The following SAMD11 variants were observed in gnomAD, a reference collection of about 807,000 sequenced individuals.
SAMD11 encodes sterile alpha motif domain containing 11.
In SAMD11, 77 loss-of-function variants were observed where a neutral mutation model predicts 64.4. The ratio of observed to expected loss-of-function variants is 1.20; its 90% CI spans 0.99 to 1.44. SAMD11 has a LOEUF of 1.44. Ranked by LOEUF, SAMD11 falls within the 40% of genes most tolerant of loss-of-function variation. SAMD11 has a pLI of 0.00. For missense variants in SAMD11, 1,402 were observed against 943.3 expected (o/e 1.49, Z -6.37); for synonymous variants, 658 against 421.9 (o/e 1.56, Z -6.86).
chr1:924,554 C>T lies in SAMD11; in HGVS notation c.123C>T (p.Pro41=), dbSNP rs1640792623. ...PPLPGYLAPL[P]AAAALPPAAS... is the part of the protein sequence containing the mutation. ...TGCCAGGCTACCTGGCGCCACTGCC[C>T]GCGGCGGCCGCCCTCCCCCCGGCCG... The change falls in exon 1 of 14, where the codon CCC becomes CCT. Residue 41 remains proline, a synonymous_variant. Transcript: ENST00000616016. 1 of 150,792 alleles carries T rather than the reference C, an allele frequency of 6.6e-6. No individual in the cohort carries two copies. The highest frequency in any genetic ancestry group is 1.5e-5 in the Non-Finnish European group (1 of 67,440). The allele number at this position is 150,792 out of a possible 1,614,324, so 9.3% of individuals were successfully genotyped here. A position where few individuals can be genotyped will look rare whatever the true frequency, so the allele number is the denominator to read the frequency against.
chr1:932,024 G>A lies in SAMD11; in HGVS notation c.842+935G>A, dbSNP rs76326394. Among the ~76,000 whole-genome samples the A allele has an allele frequency of 2.6e-4, 39 of 152,368 alleles. No homozygotes were observed. In the East Asian group the frequency reaches 6.7e-3, roughly 26 times the overall value. ...AGCCGTGAAGGCCCAGGGGACCTGC[G>A]TGTCTTGGCTCCACGCCAGATGTGT... On this transcript the variant is annotated intron_variant, in intron 4 of 13. Transcript: ENST00000616016.
At chr1:941,064 CAG>C in intron 7 of SAMD11, 78 bp from the exon 8 acceptor site, 1 of 1,333,682 alleles carries the variant, frequency 7.5e-7, no homozygotes, top group South Asian at 1.3e-5. Flanking sequence ...TTCCCCACCT[CAG>C]TGTTCTACGC....
chr1:937,426 G>C (rs952595226), intron 5 of SAMD11, among the ~76,000 whole-genome samples: 45 of 70,826 alleles, frequency 6.4e-4, no homozygotes, highest in African/African-American at 1.9e-3. Flanking sequence ...ACCTCCCCCA[G>C]GCTAGGAGGA....
rs747918838 is a variant in SAMD11, at chr1:931,098, C to T, written c.842+9C>T. 3.1e-6 allele frequency: 5 copies of T among 1,611,270 alleles called. No homozygotes were observed. The South Asian group carries it at 3.3e-5, about 11-fold the overall frequency. The stretch of plus-strand genomic sequence containing the variant: ...CGAGAGGCGTCCTGCAGGTAGGAGC[C>T]GTGCTGTGCGTGCATAAGAGGGGGC... On this transcript the variant is annotated intron_variant, in intron 4 of 13. Transcript: ENST00000616016.
chr1:931,766 G>A (rs773467742), intron 4 of SAMD11, among the ~76,000 whole-genome samples: 1 of 152,228 alleles, frequency 6.6e-6, no homozygotes, highest in East Asian at 1.9e-4. Context: ...GAAGCAGGAC[G>A]GTAGGGGGTG....
At chr1:927,223 G>T (rs539068777) in intron 2 of SAMD11, among the ~76,000 whole-genome samples, 1 of 152,158 alleles carries the variant, frequency 6.6e-6, no homozygotes, top group African/African-American at 2.4e-5. Flanking sequence ...AGACCTACCC[G>T]GGGCAAGAGG....
chr1:944,381 G>A lies in SAMD11; in HGVS notation c.*228G>A, dbSNP rs1231252968. On this transcript the variant is annotated 3_prime_UTR_variant, in exon 14 of 14. Coordinates refer to ENST00000616016, the MANE Select transcript of SAMD11 (RefSeq NM_001385641.1). ...CTGCAGACGGAGGGCAGAGGTGGTGGAAGGGGCCAGGGGCCTGCAGGCCTC... is the reference window on the plus strand; with the variant it reads ...CTGCAGACGGAGGGCAGAGGTGGTGAAAGGGGCCAGGGGCCTGCAGGCCTC... 16 of 1,335,752 alleles carry A rather than the reference G, an allele frequency of 1.2e-5. No individual in the cohort carries two copies. The highest frequency in any genetic ancestry group is 7.2e-5 in the Admixed American group (2 of 27,764). 82.7% of individuals were successfully genotyped at this position (1,335,752 alleles called of 1,614,324 possible).
chr1:926,220 A>C (rs1344444778), intron 2 of SAMD11, among the ~76,000 whole-genome samples: 1 of 152,156 alleles, frequency 6.6e-6, no homozygotes, highest in East Asian at 1.9e-4. Flanking sequence ...CGGGCACCCG[A>C]GCGCCCTCCC....
At chr1:940,301 C>CCA (rs918371878) in intron 7 of SAMD11, 4 of 143,020 alleles carry the variant, frequency 2.8e-5, no homozygotes, top group African/African-American at 7.5e-5. Context: ...CCGCCGCCCC[C>CCA]CCCCCCCGCC....
Position 944,223 on chromosome 1 carries a change from C to T in SAMD11, c.*70C>T. ...ACCACTCAACACAATGGCCCTGCCTCCCACCGCTTTATTTCTTTCGGTTTC... is the reference window on the plus strand; with the variant it reads ...ACCACTCAACACAATGGCCCTGCCTTCCACCGCTTTATTTCTTTCGGTTTC... On this transcript the variant is annotated 3_prime_UTR_variant, in exon 14 of 14. Transcript: ENST00000616016. 3.4e-6 allele frequency: 5 copies of T among 1,467,104 alleles called. No homozygotes were observed. Among genetic ancestry groups the T allele is most frequent in the Non-Finnish European group, 4.5e-6 (5 of 1,110,436 alleles). 90.9% of individuals were successfully genotyped at this position (1,467,104 alleles called of 1,614,324 possible). A position where few individuals can be genotyped will look rare whatever the true frequency, so the allele number is the denominator to read the frequency against.
In SAMD11 at chr1:935,829, T is replaced by C. The variant is rs1305989554; in HGVS notation, c.900T>C (p.Val300=). The C allele has an allele frequency of 6.2e-7, 1 of 1,613,320 alleles. No individual in the cohort carries two copies. The highest frequency in any genetic ancestry group is 1.1e-5 in the South Asian group (1 of 91,090). Residue 300 remains valine (V), a synonymous_variant, in exon 5 of 14, where the codon GTT becomes GTC. Coordinates refer to ENST00000616016, the MANE Select transcript of SAMD11 (RefSeq NM_001385641.1). ...GCGTCCACCGCAGCCGCCACCTCGT[T>C]ATGCCCGAGCATCAGAGCCGCTGTG... ...ISSVHRSRHL[V]MPEHQSRCEF...
intron 8 of SAMD11, among the ~76,000 whole-genome samples, chr1:941,716 G>C (rs1457432830): frequency 1.3e-5 from 2 of 152,124 alleles, no homozygotes; most frequent in Non-Finnish European, 2.9e-5. Flanking sequence ...TCGGGTCCAG[G>C]ACACGAGGCG....
Position 942,719 on chromosome 1 carries a change from G to T in SAMD11, c.1714G>T (p.Ala572Ser). The T allele has an allele frequency of 6.8e-7, 1 of 1,461,112 alleles. No individual in the cohort carries two copies. The highest frequency in any genetic ancestry group is 1.5e-5 in the African/African-American group (1 of 67,252). The allele number at this position is 1,461,112 out of a possible 1,614,324, so 90.5% of individuals were successfully genotyped here. ...GAACCACGGCGCGGCGCCACTGCTG[G>T]CCCTGCCCCCCCAGGGGCCCCCGGG... ...VLNHGAAPLL[A>S]LPPQGPPGSG... The change falls in exon 11 of 14, where the codon GCC (alanine) becomes TCC (serine). Residue 572 changes from alanine to serine, a missense_variant. Transcript: ENST00000616016.
Position 935,909 on chromosome 1 carries a change from GGGGGCCTGAGGGCGGGGTCGGGGCTGT to G in SAMD11, c.967+20_967+46del, listed in dbSNP as rs2100330571. 1.9e-6 allele frequency: 3 copies of G among 1,611,420 alleles called. No homozygotes were observed. Among genetic ancestry groups the G allele is most frequent in the Non-Finnish European group, 2.5e-6 (3 of 1,179,066 alleles). ...CTGCGACCCGCCGGTGAGGAGCACA[GGGGGCCTGAGGGCGGGGTCGGGGCTGT>G]GGGGCCAGAGGACGGTGGCGTCTCC... is the stretch of plus-strand genomic sequence containing the variant. On this transcript the variant is annotated intron_variant, in intron 5 of 13. Coordinates refer to ENST00000616016, the MANE Select transcript of SAMD11 (RefSeq NM_001385641.1).
intron 4 of SAMD11, among the ~76,000 whole-genome samples, chr1:931,771 G>T (rs79837947): frequency 1.1e-4 from 17 of 152,246 alleles, no homozygotes; most frequent in Non-Finnish European, 1.8e-4. Flanking sequence ...AGGACGGTAG[G>T]GGGTGTGATT....
In SAMD11 at chr1:944,192, G is replaced by C; in HGVS notation, c.*39G>C. 2.0e-6 allele frequency: 3 copies of C among 1,508,866 alleles called. No homozygotes were observed. Among genetic ancestry groups the C allele is most frequent in the Non-Finnish European group, 1.8e-6 (2 of 1,129,110 alleles). 93.5% of individuals were successfully genotyped at this position (1,508,866 alleles called of 1,614,324 possible). A position where few individuals can be genotyped will look rare whatever the true frequency, so the allele number is the denominator to read the frequency against. On this transcript the variant is annotated 3_prime_UTR_variant, in exon 14 of 14. Transcript: ENST00000616016. The stretch of plus-strand genomic sequence containing the variant: ...AGGGGTGGGGCCACACAAATCTCCA[G>C]GAGCCACCACTCAACACAATGGCCC...
At chr1:936,863 G>A (rs903042235) in intron 5 of SAMD11, among the ~76,000 whole-genome samples, 5 of 152,176 alleles carry the variant, frequency 3.3e-5, no homozygotes, top group African/African-American at 1.2e-4. Flanking sequence ...AGCGGAGGGA[G>A]CCCCACAATG....
chr1:930,325 CA>C lies in SAMD11; in HGVS notation c.781del (p.Met261Ter). On this transcript the variant is annotated frameshift_variant, in exon 3 of 14. Transcript: ENST00000616016. LOFTEE classifies it high-confidence loss of function. ...AGGAGGATGGTCCGCACATCCGTAT[CA>C]TGAAGAGAAGGTACTTGGACCAGGG... ...KQEDGPHIRI[M>X]KRRVHTHWDV... 1.9e-6 allele frequency: 3 copies of C among 1,604,140 alleles called. No homozygotes were observed. The highest frequency in any genetic ancestry group is 2.6e-6 in the Non-Finnish European group (3 of 1,175,702).
In SAMD11 at chr1:944,145, C is replaced by T. The variant is rs750926602; in HGVS notation, c.2527C>T (p.Leu843=). 6.4e-7 allele frequency: 1 copy of T among 1,568,368 alleles called. No individual in the cohort carries two copies. The highest frequency in any genetic ancestry group is 1.4e-5 in the African/African-American group (1 of 73,594). The change falls in exon 14 of 14, where the codon CTG becomes TTG. Residue 843 remains leucine, a synonymous_variant. Coordinates refer to ENST00000616016, the MANE Select transcript of SAMD11 (RefSeq NM_001385641.1). ...LPGAPDPSQP[L]C is the part of the protein sequence containing the mutation. The stretch of plus-strand genomic sequence containing the variant: ...AGGGGCCCCCGACCCTTCCCAGCCT[C>T]TGTGTTGAGGTTGCCGGGGGTAGGG...
Sources: allele counts gnomAD v4.1 joint callset (sites outside exome capture counted in the v4.1 genomes callset), GRCh38; gene constraint gnomAD v4.1.1; transcripts MANE v1.5; gene names NCBI Gene and HGNC (gene_info 2026-07-23, HGNC 2026-07-21).